Variants in MGST1 observed in about 807,000 individuals in gnomAD.
MGST1 encodes microsomal glutathione S-transferase 1, also known as glutathione S-transferase 12.
In MGST1, 5 loss-of-function variants were observed where a neutral mutation model predicts 8.9. The ratio of observed to expected loss-of-function variants is 0.56; its 90% CI spans 0.29 to 1.19. MGST1 has a LOEUF of 1.19. Among genes scored for constraint, MGST1 ranks in the 50% most tolerant of loss-of-function variants. The probability of loss-of-function intolerance (pLI) is 0.08; values close to 1 mark genes in which losing one functional copy is unlikely to be tolerated. For synonymous variants in MGST1, 54 were observed against 67.8 expected (o/e 0.80, Z 1.00); for missense variants, 182 against 187.4 (o/e 0.97, Z 0.17).
intron 4 of MGST1, among the ~76,000 whole-genome samples, chr12:16,492,643 C>T (rs1405385650): frequency 6.6e-6 from 1 of 152,152 alleles, no homozygotes; most frequent in Non-Finnish European, 1.5e-5. Context: ...ATAATACTGT[C>T]AGAGACTGCT....
downstream of MGST1, chr12:16,377,301 C>T (rs572802906): frequency 6.3e-4 from 74 of 116,980 alleles, no homozygotes; most frequent in African/African-American, 2.1e-3. Context: ...CCCCCCTCCC[C>T]CCACCCCGCA....
At chr12:16,508,612 A>C (rs888636556) in intron 4 of MGST1, among the ~76,000 whole-genome samples, 2 of 152,188 alleles carry the variant, frequency 1.3e-5, no homozygotes, top group Middle Eastern at 3.2e-3. Flanking sequence ...TCATCATTTC[A>C]TTTGGTAATC....
At chr12:16,387,153 A>G (rs1385399805) in intron 1 of MGST1, among the ~76,000 whole-genome samples, 1 of 152,198 alleles carries the variant, frequency 6.6e-6, no homozygotes, top group African/African-American at 2.4e-5. Context: ...TGCCTAATTT[A>G]TAAATTAAAC....
intron 4 of MGST1, among the ~76,000 whole-genome samples, chr12:16,452,413 AT>A (rs1424610988): frequency 1.3e-5 from 2 of 151,544 alleles, no homozygotes; most frequent in Admixed American, 6.6e-5. Context: ...AAAAAAAAAA[AT>A]GGAAACTGTT....
chr12:16,409,274 G>A (rs984462610), intron 1 of MGST1, among the ~76,000 whole-genome samples: 1 of 151,986 alleles, frequency 6.6e-6, no homozygotes, highest in Non-Finnish European at 1.5e-5. Flanking sequence ...GTGTGTATGT[G>A]TGTGTTTGTG....
chr12:16,399,320 A>ACGG, intron 1 of MGST1: 1 of 1,602,594 alleles, frequency 6.2e-7, no homozygotes, highest in South Asian at 1.1e-5. Context: ...GTGTGGAACC[A>ACGG]TGGTTGGAAC....
At chr12:16,486,483 G>A (rs988374103) in intron 4 of MGST1, among the ~76,000 whole-genome samples, 6 of 152,280 alleles carry the variant, frequency 3.9e-5, no homozygotes, top group Non-Finnish European at 5.9e-5. Flanking sequence ...GATTTAAAAA[G>A]TAATTTGGAT....
At chr12:16,366,853 C>T (rs767129185), downstream of MGST1, among the ~76,000 whole-genome samples, 4 of 152,080 alleles carry the variant, frequency 2.6e-5, no homozygotes, top group Non-Finnish European at 5.9e-5. The surrounding 1 kb of genome is among the most constrained non-coding windows in gnomAD (Gnocchi z 4.0). Context: ...TTATCTGTAT[C>T]TATTATAGAG....
intron 1 of MGST1, among the ~76,000 whole-genome samples, chr12:16,387,016 G>C (rs537824392): frequency 1.1e-4 from 17 of 152,282 alleles, no homozygotes; most frequent in African/African-American, 4.1e-4. Context: ...CAAAGTCCAA[G>C]AGTAGTAATG....
intron 1 of MGST1, among the ~76,000 whole-genome samples, chr12:16,416,952 C>G (rs935279052): frequency 1.2e-4 from 19 of 152,078 alleles, no homozygotes; most frequent in Non-Finnish European, 2.8e-4. Flanking sequence ...GGAAGTATCA[C>G]AAGGTAGCCA....
chr12:16,435,635 T>A (rs1436197795), intron 1 of MGST1, among the ~76,000 whole-genome samples: 1 of 151,932 alleles, frequency 6.6e-6, no homozygotes, highest in Non-Finnish European at 1.5e-5. Flanking sequence ...ACATGCTGAG[T>A]GCTAGAGATA....
intron 4 of MGST1, among the ~76,000 whole-genome samples, chr12:16,506,546 T>C (rs1237134938): frequency 6.6e-6 from 1 of 152,126 alleles, no homozygotes; most frequent in Non-Finnish European, 1.5e-5. Flanking sequence ...AGCTCTAACC[T>C]GTGGGATGTG....
At chr12:16,568,638 C>A (rs908034661) in intron 4 of MGST1, among the ~76,000 whole-genome samples, 9 of 152,196 alleles carry the variant, frequency 5.9e-5, no homozygotes, top group African/African-American at 2.2e-4. Flanking sequence ...ATATTGATTA[C>A]ACATTGAGAT....
At position 16,513,892 on chromosome 12, in the gene MGST1, G is replaced by A. The variant is rs1445525988; in HGVS notation, n.483-75636G>A. 1.0e-5 allele frequency: 6 copies of A among 601,122 alleles called. No homozygotes were observed. Among genetic ancestry groups the A allele is most frequent in the Admixed American group, 2.0e-5 (1 of 49,064 alleles). The allele number at this position is 601,122 out of a possible 1,614,324, so 37.2% of individuals were successfully genotyped here. A position where few individuals can be genotyped will look rare whatever the true frequency, so the allele number is the denominator to read the frequency against. On this transcript the variant is annotated intron_variant and non_coding_transcript_variant, in intron 4 of 4. Coordinates refer to the MGST1 transcript ENST00000538857. The surrounding 1 kb of genome is among the most constrained non-coding windows in gnomAD (Gnocchi z 4.2). ...GGGAAGTCGCACACCCATCTTCAGGGATACTGGCATGCAGCTACAAGGTTA... is the reference window on the plus strand; with the variant it reads ...GGGAAGTCGCACACCCATCTTCAGGAATACTGGCATGCAGCTACAAGGTTA...
chr12:16,543,092 G>C (rs1941801727), intron 4 of MGST1, among the ~76,000 whole-genome samples: 1 of 152,110 alleles, frequency 6.6e-6, no homozygotes, highest in East Asian at 1.9e-4. Context: ...TTGTTTGCCT[G>C]TCTTCCTCAA....
At chr12:16,466,826 A>G (rs927677412) in intron 4 of MGST1, among the ~76,000 whole-genome samples, 5 of 152,094 alleles carry the variant, frequency 3.3e-5, no homozygotes, top group African/African-American at 1.2e-4. Flanking sequence ...TCAAACTTTG[A>G]ACACTTTGAA....
intron 1 of MGST1, among the ~76,000 whole-genome samples, chr12:16,405,664 C>T (rs977096615): frequency 4.6e-5 from 7 of 152,102 alleles, no homozygotes; most frequent in South Asian, 2.1e-4. Flanking sequence ...AAATCCTCAA[C>T]AAAATACTAG....
chr12:16,508,152 C>A (rs774598577), intron 4 of MGST1, among the ~76,000 whole-genome samples: 1 of 152,106 alleles, frequency 6.6e-6, no homozygotes, highest in Non-Finnish European at 1.5e-5. Flanking sequence ...TCATTATACT[C>A]CTAAAACCCT....
chr12:16,457,296 A>G (rs1941181881), intron 4 of MGST1, among the ~76,000 whole-genome samples: 2 of 151,990 alleles, frequency 1.3e-5, no homozygotes, highest in Admixed American at 1.3e-4. Context: ...ATGTATATAC[A>G]TTTACATTTG....
Sources: allele counts gnomAD v4.1 joint callset (sites outside exome capture counted in the v4.1 genomes callset), GRCh38; gene constraint gnomAD v4.1.1; non-coding constraint Gnocchi (gnomAD v3.1); transcripts MANE v1.5; gene names NCBI Gene and HGNC (gene_info 2026-07-23, HGNC 2026-07-21).